MTHFD1L: variants seen among roughly 807,000 people sequenced by gnomAD.
MTHFD1L encodes methylenetetrahydrofolate dehydrogenase (NADP+ dependent) 1 like, also known as monofunctional C1-tetrahydrofolate synthase, mitochondrial.
Under a neutral mutation model 119.5 loss-of-function variants are expected in MTHFD1L, and 81 were observed. That is an observed-to-expected ratio of 0.68 (90% CI 0.57 to 0.82). The LOEUF (loss-of-function observed/expected upper bound fraction) is 0.82. MTHFD1L is among the 40% of genes least tolerant of loss of function. MTHFD1L has a pLI of 0.00. For missense variants in MTHFD1L, 1,125 were observed against 1,253.4 expected (o/e 0.90, Z 1.55); for synonymous variants, 430 against 475.2 (o/e 0.90, Z 1.24).
rs187549372 is a variant in MTHFD1L at position 150,911,280 on chromosome 6, A to G, written c.892+5519A>G. On this transcript the variant is annotated intron_variant, in intron 8 of 27. Transcript: ENST00000367321. ...AATAGCTTATTAGTATCAGTTTACT[A>G]ATATTTTAATTTTTTTAATCATGTC... Among the ~76,000 whole-genome samples, 303 of 152,280 alleles carry G rather than the reference A, an allele frequency of 2.0e-3. 1 individual carries two copies. Among genetic ancestry groups the G allele is most frequent in the African/African-American group, 6.9e-3 (285 of 41,566 alleles).
chr6:150,924,127 G>A (rs1438230209), intron 10 of MTHFD1L, among the ~76,000 whole-genome samples: 4 of 152,060 alleles, frequency 2.6e-5, no homozygotes, highest in Admixed American at 2.6e-4. Flanking sequence ...AGACCCACTG[G>A]GCAAAGAGAA....
intron 20 of MTHFD1L, among the ~76,000 whole-genome samples, chr6:150,984,390 A>G (rs1447323351): frequency 6.6e-6 from 1 of 152,140 alleles, no homozygotes; most frequent in Non-Finnish European, 1.5e-5. Flanking sequence ...AACATGCAAA[A>G]CAAATGAGAA....
intron 24 of MTHFD1L, chr6:151,022,018 C>G (rs1359799744): frequency 4.2e-6 from 2 of 471,168 alleles, no homozygotes; most frequent in Non-Finnish European, 8.8e-6. Context: ...TTTCCTGTTC[C>G]TTGCGTGAAG....
At chr6:150,937,284 C>T (rs1358768748) in intron 12 of MTHFD1L, among the ~76,000 whole-genome samples, 2 of 152,094 alleles carry the variant, frequency 1.3e-5, no homozygotes, top group African/African-American at 2.4e-5. Flanking sequence ...ATCCCAGTCC[C>T]GGGGAAAGGT....
At chr6:150,890,456 C>G (rs2128788213) in intron 7 of MTHFD1L, among the ~76,000 whole-genome samples, 1 of 152,186 alleles carries the variant, frequency 6.6e-6, no homozygotes, top group East Asian at 1.9e-4. Context: ...CCAGCGGTCC[C>G]CTGTGGAACG....
chr6:151,002,010 C>G (rs1780690565), intron 20 of MTHFD1L, among the ~76,000 whole-genome samples: 1 of 152,120 alleles, frequency 6.6e-6, no homozygotes, highest in South Asian at 2.1e-4. Context: ...ACAGCAGGGC[C>G]TTATTGCAGT....
intron 5 of MTHFD1L, 125 bp downstream of exon 5, chr6:150,883,011 T>C: frequency 7.8e-6 from 8 of 1,026,584 alleles, no homozygotes; most frequent in Non-Finnish European, 1.1e-5. Context: ...AAAAAAATCA[T>C]TTTAAATATT....
Position 150,936,821 on chromosome 6 carries a change from T to C in MTHFD1L, c.1274T>C (p.Leu425Pro), listed in dbSNP as rs1454221965. ...VLVAGITPTP[L>P]GEGKSTVTIG... ...GAACTCAGGATCACACCCACCCCTCTTGGAGAAGGGAAGAGCACAGTCACC... is the reference window on the plus strand; with the variant it reads ...GAACTCAGGATCACACCCACCCCTCCTGGAGAAGGGAAGAGCACAGTCACC... Residue 425 changes from leucine to proline, a missense_variant, in exon 12 of 28, where the codon CTT (leucine) becomes CCT (proline). Around this residue, in one of 3 missense-constraint regions of MTHFD1L, gnomAD observed 1,058 missense variants for 1,151.2 expected, o/e 0.92. Coordinates refer to ENST00000367321, the MANE Select transcript of MTHFD1L (RefSeq NM_015440.5). 3.7e-6 allele frequency: 6 copies of C among 1,613,738 alleles called. No individual in the cohort carries two copies. The highest frequency in any genetic ancestry group is 5.1e-6 in the Non-Finnish European group (6 of 1,179,732).
At chr6:151,015,740 T>A (rs1305622597) in intron 24 of MTHFD1L, 47 bp downstream of exon 24, 1 of 1,588,398 alleles carries the variant, frequency 6.3e-7, no homozygotes, top group East Asian at 2.2e-5. Context: ...CACCTTAGCA[T>A]GGGTTGTCCC....
intron 11 of MTHFD1L, among the ~76,000 whole-genome samples, chr6:150,930,042 C>CTAATCCCTTAATAGCTG (rs1790761875): frequency 6.6e-6 from 1 of 152,190 alleles, no homozygotes; most frequent in Non-Finnish European, 1.5e-5. Flanking sequence ...TGTAAACTGT[C>CTAATCCCTTAATAGCTG]ATCAGTATCT....
chr6:150,890,617 A>G lies in MTHFD1L; in HGVS notation c.780+2636A>G, dbSNP rs918767021. ...CCCGAGTTCGTGCTGGTGTATCCGT[A>G]CAGTTCTGCAGCAACTTCAGCTCTT... On this transcript the variant is annotated intron_variant, in intron 7 of 27. Transcript: ENST00000367321. Among the ~76,000 whole-genome samples, 7 of 152,310 alleles carry G rather than the reference A, an allele frequency of 4.6e-5. No homozygotes were observed. In the East Asian group the frequency reaches 5.8e-4, roughly 13 times the overall value.
At chr6:151,064,789 G>GTTTTTTTTTT (rs63491461) in intron 26 of MTHFD1L, among the ~76,000 whole-genome samples, 1 of 147,796 alleles carries the variant, frequency 6.8e-6, no homozygotes. Context: ...TTCTTTTTTT[G>GTTTTTTTTTT]TTTTTTTTTT....
rs1240585963 is a variant in MTHFD1L, at chr6:150,992,682, C to T, written c.2126-17137C>T. 2.6e-5 allele frequency among the ~76,000 whole-genome samples: 4 copies of T among 152,308 alleles called. No individual in the cohort carries two copies. In the East Asian group the frequency reaches 7.7e-4, roughly 29 times the overall value. On this transcript the variant is annotated intron_variant, in intron 20 of 27. Coordinates refer to ENST00000367321, the MANE Select transcript of MTHFD1L (RefSeq NM_015440.5). ...TAGAACTAAATCTGGATGTCAATGG[C>T]CATGTTTAGTGGGCCAGGGGCCTTA...
At chr6:151,015,394 A>ACTTT in intron 23 of MTHFD1L, 122 bp from the exon 24 acceptor site, 2 of 1,111,908 alleles carry the variant, frequency 1.8e-6, no homozygotes, top group Non-Finnish European at 2.6e-6. Context: ...CGATGTGACC[A>ACTTT]CTTTTGATGT....
intron 11 of MTHFD1L, among the ~76,000 whole-genome samples, chr6:150,931,863 T>A (rs6907487): frequency 0.35 from 52,812 of 152,118 alleles, 10,793 homozygotes; most frequent in African/African-American, 0.57. Flanking sequence ...TACTCATCTT[T>A]AAAAAGACAT....
chr6:150,882,845 C>A lies in MTHFD1L; in HGVS notation c.501C>A (p.Asn167Lys). ...ALQISENLFS[N>K]KVLNALKPEK... ...AGATCTCTGAGAACTTGTTTAGCAA[C>A]AAAGTCCTCAATGCCTTGAAACCAG... Residue 167 changes from asparagine (N) to lysine (K), a missense_variant, in exon 5 of 28, where the codon AAC becomes AAA. Physicochemically the swap from Asn to Lys is moderately conservative, Grantham distance 94. Transcript: ENST00000367321. 1 of 1,579,798 alleles carries A rather than the reference C, an allele frequency of 6.3e-7. No homozygotes were observed. The highest frequency in any genetic ancestry group is 1.4e-5 in the African/African-American group (1 of 72,336).
intron 18 of MTHFD1L, 131 bp downstream of exon 18, chr6:150,960,546 T>G (rs1796285687): frequency 8.1e-7 from 1 of 1,237,798 alleles, no homozygotes; most frequent in Non-Finnish European, 1.1e-6. Flanking sequence ...CACACACATT[T>G]CTTCCCCGAC....
At chr6:150,925,771 C>T (rs569142917) in intron 10 of MTHFD1L, among the ~76,000 whole-genome samples, 11 of 152,172 alleles carry the variant, frequency 7.2e-5, no homozygotes, top group African/African-American at 2.6e-4. Context: ...CTAATGAATA[C>T]CATGATGGCC....
intron 20 of MTHFD1L, among the ~76,000 whole-genome samples, chr6:150,987,402 A>G (rs1778457938): frequency 6.6e-6 from 1 of 152,244 alleles, no homozygotes; most frequent in Non-Finnish European, 1.5e-5. Context: ...TGTTCCAGGC[A>G]TGGATAAATC....
Sources: allele counts gnomAD v4.1 joint callset (sites outside exome capture counted in the v4.1 genomes callset), GRCh38; gene constraint gnomAD v4.1.1; regional missense constraint gnomAD v4.1.1; transcripts MANE v1.5; gene names NCBI Gene and HGNC (gene_info 2026-07-23, HGNC 2026-07-21).